MYOM3: variants seen among roughly 807,000 people sequenced by gnomAD.
MYOM3 encodes the protein myomesin-3.
MYOM3 carries 155 observed loss-of-function variants against 191.7 expected under a neutral mutation model. That is an observed-to-expected ratio of 0.81 (90% CI 0.71 to 0.92). The LOEUF (loss-of-function observed/expected upper bound fraction) is 0.92, where lower values mean the gene tolerates loss of function less well. MYOM3 is among the 40% of genes least tolerant of loss of function. The pLI is 0.00. For missense variants in MYOM3, 1,889 were observed against 1,890.6 expected (o/e 1.00, Z 0.02); for synonymous variants, 757 against 762.9 (o/e 0.99, Z 0.13).
chr1:24,109,959 T>C (rs1557620624), intron 1 of MYOM3, among the ~76,000 whole-genome samples: 1 of 152,228 alleles, frequency 6.6e-6, no homozygotes, highest in East Asian at 1.9e-4. Context: ...TGGCGCCCAG[T>C]GGGGCCGGAT....
chr1:24,066,536 A>G (rs892595997), intron 28 of MYOM3: 5 of 438,804 alleles, frequency 1.1e-5, no homozygotes, highest in African/African-American at 9.9e-5. Context: ...AGGCTTTGGA[A>G]TCAGATAGAC....
intron 16 of MYOM3, chr1:24,083,708 T>G (rs1412322918): frequency 6.6e-6 from 1 of 152,310 alleles, no homozygotes; most frequent in African/African-American, 2.4e-5. Context: ...GGGTTTAAGC[T>G]CCTGGAGGGA....
At chr1:24,060,654 G>A (rs946922425) in intron 35 of MYOM3, among the ~76,000 whole-genome samples, 7 of 152,170 alleles carry the variant, frequency 4.6e-5, no homozygotes, top group African/African-American at 1.7e-4. Flanking sequence ...GTGGCCCGGA[G>A]GCCGTGCCAT....
intron 1 of MYOM3, 71 bp from the exon 2 acceptor site, chr1:24,108,725 A>G: frequency 3.4e-6 from 4 of 1,186,472 alleles, no homozygotes; most frequent in Non-Finnish European, 4.6e-6. Flanking sequence ...TCTTCCCAAC[A>G]TCTCTAGGAG....
intron 28 of MYOM3, chr1:24,066,736 G>A (rs576866298): frequency 1.1e-4 from 48 of 449,914 alleles, no homozygotes; most frequent in Admixed American, 6.8e-4. Context: ...ATAAACCCTC[G>A]TGGGCTCCTA....
chr1:24,081,771 A>G, intron 18 of MYOM3: 2 of 595,708 alleles, frequency 3.4e-6, no homozygotes, highest in Non-Finnish European at 5.9e-6. Context: ...AACATGTTGC[A>G]GACTGGTCTC....
At position 24,086,707 on chromosome 1, in the gene MYOM3, T is replaced by C; in HGVS notation, c.1735A>G (p.Asn579Asp). Residue 579 changes from asparagine to aspartate, a missense_variant, in exon 15 of 37, where the codon AAC (asparagine) becomes GAC (aspartate). Coordinates refer to ENST00000374434, the MANE Select transcript of MYOM3 (RefSeq NM_152372.4). ...KSYVFRVRAM[N>D]QYGLSDPSEP... is the part of the protein sequence containing the mutation. ...GAGGGATCGCTCAGGCCATACTGGT[T>C]CATTGCTCGCACTCTGAAGACATAC... 6.2e-7 allele frequency: 1 copy of C among 1,614,150 alleles called. No homozygotes were observed. Among genetic ancestry groups the C allele is most frequent in the Non-Finnish European group, 8.5e-7 (1 of 1,180,010 alleles).
rs1042547343 is a variant in MYOM3, at chr1:24,063,959, G to A, written c.3622+113C>T. ...TGGGCAAGTTACTTAATCTCTTTGT[G>A]CCTCAATTTCTCCAAGTGACATGGG... is the stretch of plus-strand genomic sequence containing the variant. On this transcript the variant is annotated intron_variant, in intron 30 of 36. Coordinates refer to ENST00000374434, the MANE Select transcript of MYOM3 (RefSeq NM_152372.4). The surrounding 1 kb of genome is among the most constrained non-coding windows in gnomAD (Gnocchi z 4.5). The A allele has an allele frequency of 1.8e-5, 15 of 824,402 alleles. No homozygotes were observed. Among genetic ancestry groups the A allele is most frequent in the African/African-American group, 1.0e-4 (6 of 58,444 alleles). 51.1% of individuals were successfully genotyped at this position (824,402 alleles called of 1,614,324 possible). A position where few individuals can be genotyped will look rare whatever the true frequency, so the allele number is the denominator to read the frequency against.
chr1:24,070,060 C>G (rs1186061069), intron 25 of MYOM3, among the ~76,000 whole-genome samples: 1 of 152,146 alleles, frequency 6.6e-6, no homozygotes, highest in Non-Finnish European at 1.5e-5. Context: ...GTGGTTCAAT[C>G]TAATACAACC....
chr1:24,089,097 A>G (rs550286689), intron 14 of MYOM3, among the ~76,000 whole-genome samples: 1 of 151,962 alleles, frequency 6.6e-6, no homozygotes, highest in Non-Finnish European at 1.5e-5. Flanking sequence ...GCCACCTCCT[A>G]GTGCTAATCA....
intron 36 of MYOM3, among the ~76,000 whole-genome samples, chr1:24,058,501 T>C (rs1319914328): frequency 6.6e-6 from 1 of 152,182 alleles, no homozygotes; most frequent in South Asian, 2.1e-4. Context: ...TGTGATTACC[T>C]TGATGGCTAA....
intron 22 of MYOM3, among the ~76,000 whole-genome samples, 191 bp downstream of exon 22, chr1:24,075,128 G>A (rs915924902): frequency 3.3e-5 from 5 of 150,678 alleles, no homozygotes; most frequent in Non-Finnish European, 5.9e-5. Flanking sequence ...TAGCACCATT[G>A]CAGCCGCTTA....
At chr1:24,077,229 G>A (rs1294653804) in intron 20 of MYOM3, among the ~76,000 whole-genome samples, 1 of 152,190 alleles carries the variant, frequency 6.6e-6, no homozygotes, top group Non-Finnish European at 1.5e-5. Flanking sequence ...TTCCTAAAGG[G>A]CGTTTCTGCC....
intron 20 of MYOM3, among the ~76,000 whole-genome samples, chr1:24,079,741 G>A (rs1481742487): frequency 6.6e-6 from 1 of 152,180 alleles, no homozygotes; most frequent in African/African-American, 2.4e-5. Context: ...CAGAATTGCT[G>A]GGTCAAGGGA....
intron 16 of MYOM3, 182 bp downstream of exon 16, chr1:24,084,286 C>T: frequency 4.8e-6 from 3 of 627,486 alleles, no homozygotes; most frequent in Non-Finnish European, 8.3e-6. Context: ...AGACATGCTT[C>T]CTTCCCCCTC....
intron 20 of MYOM3, among the ~76,000 whole-genome samples, chr1:24,077,398 C>T (rs1174683064): frequency 1.3e-5 from 2 of 152,168 alleles, no homozygotes; most frequent in Non-Finnish European, 2.9e-5. Flanking sequence ...TCCATCTGTC[C>T]CCTTCACTCC....
At chr1:24,103,965 C>T (rs1643961516) in intron 5 of MYOM3, among the ~76,000 whole-genome samples, 2 of 152,148 alleles carry the variant, frequency 1.3e-5, no homozygotes, top group Non-Finnish European at 2.9e-5. Flanking sequence ...AATTATCCCA[C>T]AGCAGTAATA....
intron 7 of MYOM3, among the ~76,000 whole-genome samples, chr1:24,095,760 G>C (rs1166539121): frequency 6.6e-6 from 1 of 152,050 alleles, no homozygotes; most frequent in Non-Finnish European, 1.5e-5. Context: ...ATACATGCTG[G>C]TTTCCTTTCC....
intron 29 of MYOM3, among the ~76,000 whole-genome samples, chr1:24,064,527 C>T (rs186969062): frequency 1.3e-5 from 2 of 152,304 alleles, no homozygotes; most frequent in Admixed American, 6.5e-5. Flanking sequence ...CTTTCACTCC[C>T]TGGGGGCTCC....
Sources: gnomAD v4.1 joint callset for allele counts (sites outside exome capture counted in the v4.1 genomes callset) on GRCh38, gnomAD v4.1.1 for gene constraint, Gnocchi (gnomAD v3.1) non-coding constraint, MANE v1.5 for transcripts, NCBI Gene and HGNC (gene_info 2026-07-23, HGNC 2026-07-21) for gene names.